Variants in CSMD3 observed in about 807,000 individuals in gnomAD.
The protein encoded by CSMD3 is CUB and Sushi multiple domains 3.
Under a neutral mutation model 435.2 loss-of-function variants are expected in CSMD3, and 177 were observed. The ratio of observed to expected loss-of-function variants is 0.41; its 90% CI spans 0.36 to 0.46. CSMD3 has a LOEUF of 0.46. Ranked by LOEUF, CSMD3 falls within the 20% of genes least tolerant of loss-of-function variation. CSMD3 has a pLI of 0.34. For synonymous variants in CSMD3, 1,656 were observed against 1,520.5 expected (o/e 1.09, Z -2.07); for missense variants, 4,265 against 4,504.6 (o/e 0.95, Z 1.52).
chr8:112,657,350 A>G (rs2075281695), intron 17 of CSMD3, among the ~76,000 whole-genome samples: 1 of 152,168 alleles, frequency 6.6e-6, no homozygotes, highest in South Asian at 2.1e-4. Context: ...GGCGTGAGCC[A>G]CTGCACCCAG....
chr8:112,409,208 A>C (rs1832120647), intron 32 of CSMD3, among the ~76,000 whole-genome samples, 176 bp from the exon 33 acceptor site: 1 of 152,096 alleles, frequency 6.6e-6, no homozygotes, highest in African/African-American at 2.4e-5. Flanking sequence ...TGACACATGT[A>C]CTTCAGGTCA....
At chr8:113,349,145 T>C (rs565179912) in intron 1 of CSMD3, among the ~76,000 whole-genome samples, 38 of 152,238 alleles carry the variant, frequency 2.5e-4, no homozygotes, top group Non-Finnish European at 5.0e-4. Flanking sequence ...GAGAATTCCT[T>C]AGTGCCCTTA....
intron 1 of CSMD3, among the ~76,000 whole-genome samples, chr8:113,359,917 T>G (rs2094260357): frequency 6.6e-6 from 1 of 152,084 alleles, no homozygotes; most frequent in South Asian, 2.1e-4. Context: ...TCAACATGGG[T>G]AGGCTGCTGT....
At chr8:113,157,172 CAT>C (rs1339063460) in intron 4 of CSMD3, among the ~76,000 whole-genome samples, 6 of 152,062 alleles carry the variant, frequency 3.9e-5, no homozygotes, top group Non-Finnish European at 5.9e-5. Context: ...AAAAATTAAA[CAT>C]AGAGTATTGG....
chr8:112,434,647 T>G (rs983271499), intron 32 of CSMD3, among the ~76,000 whole-genome samples: 1 of 152,202 alleles, frequency 6.6e-6, no homozygotes, highest in Middle Eastern at 3.4e-3. Flanking sequence ...AGACGTAAAT[T>G]TACTGTGAAG....
At chr8:112,257,869 G>C (rs148773522) in intron 61 of CSMD3, among the ~76,000 whole-genome samples, 2,370 of 152,234 alleles carry the variant, frequency 0.016, 21 homozygotes, top group South Asian at 0.024. Flanking sequence ...CACGCTACCT[G>C]ACTTCAAACT....
chr8:112,674,258 A>C (rs940317043), intron 16 of CSMD3, among the ~76,000 whole-genome samples: 1 of 152,018 alleles, frequency 6.6e-6, no homozygotes. Context: ...TCTTCCTTTT[A>C]CCTTTAGATC....
chr8:112,912,520 A>C (rs2082452909), intron 10 of CSMD3, among the ~76,000 whole-genome samples: 1 of 152,062 alleles, frequency 6.6e-6, no homozygotes, highest in Middle Eastern at 3.4e-3. Flanking sequence ...ATGTAGAAGA[A>C]GAAAATTGGA....
At chr8:112,506,640 T>A (rs1348471037) in intron 29 of CSMD3, 51 bp downstream of exon 29, 1 of 1,580,026 alleles carries the variant, frequency 6.3e-7, no homozygotes, top group Admixed American at 1.7e-5. Context: ...TAAAGCAAAA[T>A]GGCCTAACAA....
At chr8:113,115,458 T>C (rs2090793886) in intron 4 of CSMD3, among the ~76,000 whole-genome samples, 1 of 152,216 alleles carries the variant, frequency 6.6e-6, no homozygotes, top group Non-Finnish European at 1.5e-5. Flanking sequence ...CTCTCAGTCC[T>C]TGCTATTTCC....
At chr8:112,320,109 T>C in intron 45 of CSMD3, 128 bp from the exon 46 acceptor site, 1 of 656,438 alleles carries the variant, frequency 1.5e-6, no homozygotes, top group East Asian at 2.7e-5. Context: ...TTATCAAGTG[T>C]CAATTACATC....
At chr8:113,222,486 A>G (rs867886659) in intron 3 of CSMD3, among the ~76,000 whole-genome samples, 1 of 151,088 alleles carries the variant, frequency 6.6e-6, no homozygotes, top group Non-Finnish European at 1.5e-5. Flanking sequence ...TCATAAATAT[A>G]AAGAATAAGA....
chr8:112,952,051 A>T (rs1425725418), intron 8 of CSMD3, among the ~76,000 whole-genome samples: 1 of 151,568 alleles, frequency 6.6e-6, no homozygotes, highest in Non-Finnish European at 1.5e-5. Context: ...AAACCTGTTT[A>T]CTTAATTTTT....
intron 32 of CSMD3, among the ~76,000 whole-genome samples, chr8:112,419,475 T>C (rs538635772): frequency 6.6e-6 from 1 of 152,346 alleles, no homozygotes; most frequent in South Asian, 2.1e-4. Flanking sequence ...AATTATCCAG[T>C]AATTTGGTAG....
chr8:112,239,493 T>C (rs1813909476), intron 66 of CSMD3, among the ~76,000 whole-genome samples: 2 of 151,964 alleles, frequency 1.3e-5, no homozygotes, highest in African/African-American at 2.4e-5. Flanking sequence ...TCCAGAAGAG[T>C]TTTTATAAAA....
In CSMD3 at chr8:112,406,755, A is replaced by G. The variant is rs761160471; in HGVS notation, c.5606-28T>C. 4 of 1,379,994 alleles carry G rather than the reference A, an allele frequency of 2.9e-6. No individual in the cohort carries two copies. The Admixed American group carries it at 7.1e-5, about 24-fold the overall frequency. 85.5% of individuals were successfully genotyped at this position (1,379,994 alleles called of 1,614,324 possible). The stretch of plus-strand genomic sequence containing the variant: ...GTGTAGAAATATTATATTTATTTTA[A>G]TTTTATATGGTAGACAAATACAGAT... On this transcript the variant is annotated intron_variant, in intron 34 of 70. Coordinates refer to ENST00000297405, the MANE Select transcript of CSMD3 (RefSeq NM_198123.2).
intron 4 of CSMD3, among the ~76,000 whole-genome samples, chr8:113,115,153 A>C (rs1267396276): frequency 6.6e-6 from 1 of 152,196 alleles, no homozygotes; most frequent in Admixed American, 6.6e-5. Flanking sequence ...ATGCTTAAAT[A>C]ATGGTCAGAT....
chr8:113,130,309 C>G (rs917149288), intron 4 of CSMD3, among the ~76,000 whole-genome samples: 1 of 152,034 alleles, frequency 6.6e-6, no homozygotes, highest in Non-Finnish European at 1.5e-5. Context: ...AATGTCATGT[C>G]GAATTGAGGG....
At chr8:112,225,073 G>A (rs912116090) in intron 70 of CSMD3, 143 bp from the exon 71 acceptor site, 1 of 814,086 alleles carries the variant, frequency 1.2e-6, no homozygotes, top group Non-Finnish European at 2.1e-6. Flanking sequence ...AAGTCAACTT[G>A]AACAATTTCC....
Sources: gnomAD v4.1 joint callset for allele counts (sites outside exome capture counted in the v4.1 genomes callset) on GRCh38, gnomAD v4.1.1 for gene constraint, MANE v1.5 for transcripts, NCBI Gene and HGNC (gene_info 2026-07-23, HGNC 2026-07-21) for gene names.